IL17RD: variants seen among roughly 807,000 people sequenced by gnomAD.
IL17RD encodes the protein interleukin-17 receptor D.
In IL17RD, 52 loss-of-function variants were observed where a neutral mutation model predicts 80.5. That is an observed-to-expected ratio of 0.65 (90% CI 0.52 to 0.81). IL17RD has a LOEUF of 0.81. IL17RD is among the 40% of genes least tolerant of loss of function. The pLI, the probability that IL17RD is intolerant of heterozygous loss-of-function variation, is 0.00. For missense variants in IL17RD, 1,024 were observed against 955.1 expected, an observed-to-expected ratio of 1.07 and a Z score of -0.95; for synonymous variants, 416 against 391.8, an observed-to-expected ratio of 1.06 and a Z score of -0.73.
chr3:57,161,409 T>C (rs1349490545), intron 1 of IL17RD, among the ~76,000 whole-genome samples: 1 of 152,260 alleles, frequency 6.6e-6, no homozygotes, highest in Admixed American at 6.5e-5. Flanking sequence ...GAACTTCTCT[T>C]TTCCAAGTAC....
At chr3:57,165,525 C>A (rs1579331246), upstream of IL17RD, 1 of 225,296 alleles carries the variant, frequency 4.4e-6, no homozygotes, top group East Asian at 1.1e-4. Flanking sequence ...GTCACGCCCC[C>A]CAAGCCCCCA....
chr3:57,129,513 T>C (rs1707563108), intron 1 of IL17RD, among the ~76,000 whole-genome samples: 1 of 152,184 alleles, frequency 6.6e-6, no homozygotes, highest in African/African-American at 2.4e-5. Context: ...GCACAGGGAC[T>C]GAGTCTCCAA....
rs139193272 is a variant in IL17RD, at chr3:57,141,846, GA to G, written c.127-21534del. The stretch of plus-strand genomic sequence containing the variant: ...AAAAAAACAAACACTATCTGATAAG[GA>G]AAAGATGGATTTTGTCTTCCACCGC... On this transcript the variant is annotated intron_variant, in intron 1 of 12. Coordinates refer to ENST00000296318, the MANE Select transcript of IL17RD (RefSeq NM_017563.5). 8.9e-3 allele frequency among the ~76,000 whole-genome samples: 1,361 copies of G among 152,256 alleles called. 19 individuals carry two copies. The highest frequency in any genetic ancestry group is 0.031 in the African/African-American group (1,289 of 41,534).
intron 1 of IL17RD, 143 bp downstream of exon 1, chr3:57,165,018 C>A (rs532547294): frequency 1.5e-6 from 2 of 1,340,632 alleles, no homozygotes; most frequent in East Asian, 3.2e-5. Context: ...CAGGAGGATG[C>A]GCGGGAGGAG....
chr3:57,134,661 C>T (rs868617208), intron 1 of IL17RD: 18 of 737,308 alleles, frequency 2.4e-5, no homozygotes, highest in African/African-American at 1.0e-4. Context: ...CCATGAAGAC[C>T]GCCTACAGGC....
chr3:57,128,205 TGCTG>T (rs1707534432), intron 1 of IL17RD, among the ~76,000 whole-genome samples: 1 of 152,198 alleles, frequency 6.6e-6, no homozygotes, highest in Admixed American at 6.5e-5. Context: ...TGGGGAGTGC[TGCTG>T]GGTTCCCACC....
At chr3:57,111,638 A>G (rs904299765) in intron 3 of IL17RD, among the ~76,000 whole-genome samples, 6 of 152,214 alleles carry the variant, frequency 3.9e-5, no homozygotes, top group Admixed American at 3.3e-4. Flanking sequence ...CCAAGTGATT[A>G]ATACCATTAA....
At chr3:57,142,052 G>A (rs1411145258) in intron 1 of IL17RD, among the ~76,000 whole-genome samples, 2 of 152,122 alleles carry the variant, frequency 1.3e-5, no homozygotes, top group African/African-American at 4.8e-5. Context: ...AGGGACACAC[G>A]GAGCCTTCCT....
chr3:57,110,378 C>T, intron 3 of IL17RD, 67 bp from the exon 4 acceptor site: 1 of 1,491,194 alleles, frequency 6.7e-7, no homozygotes, highest in Non-Finnish European at 9.1e-7. Flanking sequence ...CTTCTTCCTC[C>T]AAGATTACCA....
At chr3:57,151,354 A>C (rs2107536697) in intron 1 of IL17RD, among the ~76,000 whole-genome samples, 1 of 152,360 alleles carries the variant, frequency 6.6e-6, no homozygotes, top group East Asian at 1.9e-4. Context: ...GAGTAACAAA[A>C]ACAGAGGCAC....
At chr3:57,150,498 TG>T (rs1252843668) in intron 1 of IL17RD, 1 of 152,032 alleles carries the variant, frequency 6.6e-6, no homozygotes, top group Non-Finnish European at 1.5e-5. Flanking sequence ...AATCCTCATC[TG>T]GAAAAAAGGG....
intron 1 of IL17RD, among the ~76,000 whole-genome samples, chr3:57,130,774 A>AT (rs1208661943): frequency 1.3e-5 from 2 of 152,188 alleles, no homozygotes. Context: ...CCTGAGATGC[A>AT]GTCAGGGTTT....
chr3:57,158,511 C>T (rs2060283316), intron 1 of IL17RD, among the ~76,000 whole-genome samples: 1 of 152,164 alleles, frequency 6.6e-6, no homozygotes, highest in Non-Finnish European at 1.5e-5. Flanking sequence ...TTTATTTTGT[C>T]GTCCACCCAG....
chr3:57,134,320 G>C (rs781636834), intron 1 of IL17RD: 22 of 688,398 alleles, frequency 3.2e-5, no homozygotes, highest in Non-Finnish European at 5.2e-5. Context: ...TCCCGGGCTT[G>C]ATGCCGGGAA....
At chr3:57,145,892 C>G (rs1707914641) in intron 1 of IL17RD, among the ~76,000 whole-genome samples, 1 of 152,194 alleles carries the variant, frequency 6.6e-6, no homozygotes, top group Non-Finnish European at 1.5e-5. Flanking sequence ...AATGAGACAG[C>G]CTAACCAGGG....
In IL17RD at chr3:57,097,779, C is replaced by G. The variant is rs61740622; in HGVS notation, c.1924G>C (p.Ala642Pro). ...ACCGTGTGCAGCAGGGGTTGCAGGG[C>G]GGCGCTACCGTCAAGGGCAGGCCGG... is the stretch of plus-strand genomic sequence containing the variant. ...EARPALDGSA[A>P]LQPLLHTVKA... The change falls in exon 12 of 13, where the codon GCC becomes CCC. Residue 642 changes from alanine (A) to proline (P), a missense_variant. Transcript: ENST00000296318. 2.1e-3 allele frequency: 3,357 copies of G among 1,601,894 alleles called. 46 individuals are homozygous for G. The African/African-American group carries it at 0.036, about 17-fold the overall frequency.
chr3:57,135,532 A>C (rs1043624502), intron 1 of IL17RD, among the ~76,000 whole-genome samples: 10 of 152,250 alleles, frequency 6.6e-5, no homozygotes, highest in African/African-American at 2.2e-4. Flanking sequence ...AACTTCTCCC[A>C]TTCCATCATT....
At chr3:57,126,274 G>T (rs1222875204) in intron 1 of IL17RD, among the ~76,000 whole-genome samples, 6 of 152,204 alleles carry the variant, frequency 3.9e-5, no homozygotes, top group Admixed American at 1.3e-4. Flanking sequence ...TAAGCAGCAA[G>T]CCCCGGCTGT....
rs1447069810 is a variant in IL17RD, at chr3:57,163,788, GGGGGC to G, written c.126+1368_126+1372del. 7.4e-3 allele frequency among the ~76,000 whole-genome samples: 765 copies of G among 103,766 alleles called. 82 individuals carry two copies. The highest frequency in any genetic ancestry group is 0.036 in the African/African-American group (718 of 19,758). 68.1% of individuals were successfully genotyped at this position (103,766 alleles called of 152,430 possible). Reference sequence around the variant, plus strand: ...GGAATGACAGAGCCTAATGGGGCGGGGGGGCGGGGGGGGAAGGGGGTGGCGGGGGC... The same window carrying G: ...GGAATGACAGAGCCTAATGGGGCGGGGGGGGGGGAAGGGGGTGGCGGGGGC... On this transcript the variant is annotated intron_variant, in intron 1 of 12. Coordinates refer to ENST00000296318, the MANE Select transcript of IL17RD (RefSeq NM_017563.5).
Sources: gnomAD v4.1 joint callset for allele counts (sites outside exome capture counted in the v4.1 genomes callset) on GRCh38, gnomAD v4.1.1 for gene constraint, MANE v1.5 for transcripts, NCBI Gene and HGNC (gene_info 2026-07-23, HGNC 2026-07-21) for gene names.